The following CCBE1 variants were observed in gnomAD, a reference collection of about 807,000 sequenced individuals.
The protein encoded by CCBE1 is collagen and calcium-binding EGF domain-containing protein 1.
In CCBE1, 37 loss-of-function variants were observed where a neutral mutation model predicts 50.0. The observed-to-expected ratio is 0.74, with a 90% CI of 0.57 to 0.97. The LOEUF (loss-of-function observed/expected upper bound fraction) is 0.97. CCBE1 is among the 50% of genes least tolerant of loss of function. CCBE1 has a pLI of 0.00. For missense variants in CCBE1, 538 were observed against 523.8 expected, an observed-to-expected ratio of 1.03 and a Z score of -0.26; for synonymous variants, 234 against 203.7, an observed-to-expected ratio of 1.15 and a Z score of -1.27.
chr18:59,639,765 C>T (rs773243624), intron 2 of CCBE1, among the ~76,000 whole-genome samples: 2 of 152,178 alleles, frequency 1.3e-5, no homozygotes, highest in Admixed American at 1.3e-4. Flanking sequence ...CCCAAAAGCT[C>T]TTTGATCTGA....
At chr18:59,458,721 A>T (rs1248528664) in intron 5 of CCBE1, among the ~76,000 whole-genome samples, 1 of 152,126 alleles carries the variant, frequency 6.6e-6, no homozygotes, top group Non-Finnish European at 1.5e-5. Flanking sequence ...TGCTATTGGG[A>T]ATTCTGTTGA....
chr18:59,546,998 G>C (rs1307207784), intron 2 of CCBE1, among the ~76,000 whole-genome samples: 2 of 146,018 alleles, frequency 1.4e-5, no homozygotes, highest in African/African-American at 5.0e-5. Context: ...TTTAAAGCAG[G>C]ACCATCAGGG....
intron 2 of CCBE1, among the ~76,000 whole-genome samples, chr18:59,677,459 T>C (rs2054521175): frequency 6.6e-6 from 1 of 152,046 alleles, no homozygotes; most frequent in African/African-American, 2.4e-5. Context: ...AAAGATCAAG[T>C]AGGCAACTGG....
intron 5 of CCBE1, among the ~76,000 whole-genome samples, chr18:59,457,279 G>A (rs980039663): frequency 3.9e-5 from 6 of 152,182 alleles, no homozygotes; most frequent in African/African-American, 1.4e-4. Context: ...GTGATAACGA[G>A]CTGAGCAGTA....
chr18:59,550,998 C>CAAAAAAAAAAAAAAAAAA lies in CCBE1; in HGVS notation c.213-70778_213-70761dup, dbSNP rs555160847. Among the ~76,000 whole-genome samples the CAAAAAAAAAAAAAAAAAA allele has an allele frequency of 7.1e-4, 51 of 71,372 alleles. 1 individual carries two copies. The highest frequency in any genetic ancestry group is 8.5e-4 in the Non-Finnish European group (33 of 39,042). The allele number at this position is 71,372 out of a possible 152,430, so 46.8% of individuals were successfully genotyped here. On this transcript the variant is annotated intron_variant, in intron 2 of 10. Transcript: ENST00000439986. Reference sequence around the variant, plus strand: ...CCAGCCTGGGCAACACAGCGAGACTCAAAAAAAAAAAAAAAAAAAAAAAAA... The same window carrying CAAAAAAAAAAAAAAAAAA: ...CCAGCCTGGGCAACACAGCGAGACTCAAAAAAAAAAAAAAAAAAAAAAAAAAAAAAAAAAAAAAAAAAA...
At chr18:59,483,560 A>G (rs570929988) in intron 2 of CCBE1, among the ~76,000 whole-genome samples, 8 of 152,342 alleles carry the variant, frequency 5.3e-5, no homozygotes, top group Non-Finnish European at 1.2e-4. Context: ...CCTAGGAGAA[A>G]CTTAAGTAAT....
Position 59,435,847 on chromosome 18 carries a change from A to G in CCBE1, c.*61T>C. On this transcript the variant is annotated 3_prime_UTR_variant, in exon 11 of 11. Coordinates refer to ENST00000439986, the MANE Select transcript of CCBE1 (RefSeq NM_133459.4). Reference sequence around the variant, plus strand: ...CTCCAGTGGTCTTTCTTCTCTTTAGATGGTTTAACTGCAGGTGAGTTGATC... The same window carrying G: ...CTCCAGTGGTCTTTCTTCTCTTTAGGTGGTTTAACTGCAGGTGAGTTGATC... 4 of 1,428,914 alleles carry G rather than the reference A, an allele frequency of 2.8e-6. No individual in the cohort carries two copies. The highest frequency in any genetic ancestry group is 4.0e-6 in the Non-Finnish European group (4 of 1,010,898). 88.5% of individuals were successfully genotyped at this position (1,428,914 alleles called of 1,614,324 possible).
intron 2 of CCBE1, among the ~76,000 whole-genome samples, chr18:59,676,458 T>C (rs899095313): frequency 2.0e-5 from 3 of 152,244 alleles, no homozygotes; most frequent in Non-Finnish European, 4.4e-5. Context: ...TCTCTTTCAA[T>C]TTATGCTATC....
intron 2 of CCBE1, among the ~76,000 whole-genome samples, chr18:59,544,729 G>A (rs927119432): frequency 1.6e-4 from 24 of 152,170 alleles, no homozygotes; most frequent in Admixed American, 1.2e-3. Context: ...ACAAAGAAAG[G>A]GCATTTTAAA....
At position 59,475,787 on chromosome 18, in the gene CCBE1, G is replaced by A. The variant is rs543136526; in HGVS notation, c.265+4399C>T. Among the ~76,000 whole-genome samples, 9 of 151,972 alleles carry A rather than the reference G, an allele frequency of 5.9e-5. No individual in the cohort carries two copies. The East Asian group carries it at 1.5e-3, about 26-fold the overall frequency. On this transcript the variant is annotated intron_variant, in intron 3 of 10. Transcript: ENST00000439986. ...GGCTGGAGTGCGCTGGCACAATTTC[G>A]GCTCACTGCAACCTCCACCTCCCTG...
chr18:59,525,285 G>T (rs60536719), intron 2 of CCBE1, among the ~76,000 whole-genome samples: 3,456 of 152,276 alleles, frequency 0.023, 88 homozygotes, highest in East Asian at 0.12. Flanking sequence ...GGCATGAAAT[G>T]GTATCTCATT....
intron 2 of CCBE1, among the ~76,000 whole-genome samples, chr18:59,676,126 A>G (rs1445464122): frequency 2.0e-5 from 3 of 152,246 alleles, no homozygotes; most frequent in African/African-American, 7.2e-5. Flanking sequence ...GCAGTGGTCT[A>G]TACTTGAAGG....
At chr18:59,685,411 G>A (rs896192306) in intron 2 of CCBE1, among the ~76,000 whole-genome samples, 1 of 152,136 alleles carries the variant, frequency 6.6e-6, no homozygotes, top group Non-Finnish European at 1.5e-5. Flanking sequence ...GTCACCAAGG[G>A]ACCACTGAGG....
At chr18:59,626,744 C>T (rs1024101803) in intron 2 of CCBE1, among the ~76,000 whole-genome samples, 4 of 152,252 alleles carry the variant, frequency 2.6e-5, no homozygotes, top group South Asian at 2.1e-4. Context: ...ATCTACTATG[C>T]TATGCCACCT....
chr18:59,455,299 C>T (rs1911138993), intron 5 of CCBE1: 2 of 386,446 alleles, frequency 5.2e-6, no homozygotes, highest in East Asian at 1.3e-4. Context: ...ATGATTTATA[C>T]TCCCCTTAAA....
chr18:59,591,847 G>C (rs1205028510), intron 2 of CCBE1, among the ~76,000 whole-genome samples: 1 of 152,172 alleles, frequency 6.6e-6, no homozygotes, highest in Admixed American at 6.5e-5. Context: ...TGTGCACAAG[G>C]CTATTAATTT....
intron 2 of CCBE1, among the ~76,000 whole-genome samples, chr18:59,671,231 G>C (rs1022457271): frequency 3.9e-5 from 6 of 152,114 alleles, no homozygotes; most frequent in Non-Finnish European, 8.8e-5. Context: ...AGGTGTGGTG[G>C]CTCATACCTG....
chr18:59,668,452 C>G (rs1477310699), intron 2 of CCBE1, among the ~76,000 whole-genome samples: 2 of 143,936 alleles, frequency 1.4e-5, no homozygotes, highest in Non-Finnish European at 2.9e-5. Context: ...TTAGGTGTTA[C>G]ATATATACAT....
In CCBE1 at chr18:59,662,080, C is replaced by G. The variant is rs550747927; in HGVS notation, c.212+34549G>C. On this transcript the variant is annotated intron_variant, in intron 2 of 10. Coordinates refer to ENST00000439986, the MANE Select transcript of CCBE1 (RefSeq NM_133459.4). Reference sequence around the variant, plus strand: ...CACTTTCTCACAAGGCACATCACAGCCTTCTTGCATTTAGGAGCACTAGAC... The same window carrying G: ...CACTTTCTCACAAGGCACATCACAGGCTTCTTGCATTTAGGAGCACTAGAC... 2.0e-5 allele frequency among the ~76,000 whole-genome samples: 3 copies of G among 152,300 alleles called. No individual in the cohort carries two copies. In the South Asian group the frequency reaches 6.2e-4, roughly 32 times the overall value.
Sources: allele counts gnomAD v4.1 joint callset (sites outside exome capture counted in the v4.1 genomes callset), GRCh38; gene constraint gnomAD v4.1.1; transcripts MANE v1.5; gene names NCBI Gene and HGNC (gene_info 2026-07-23, HGNC 2026-07-21).